The following KIAA1755 variants were observed in gnomAD, a reference collection of about 807,000 sequenced individuals.
KIAA1755 encodes uncharacterized protein KIAA1755.
In KIAA1755, 68 loss-of-function variants were observed where a neutral mutation model predicts 91.7. The observed-to-expected ratio is 0.74, with a 90% confidence interval of 0.61 to 0.91. KIAA1755 has a LOEUF of 0.91. KIAA1755 is among the 40% of genes least tolerant of loss of function. The pLI is 0.00. For synonymous variants in KIAA1755, 610 were observed against 604.6 expected (o/e 1.01, Z -0.13); for missense variants, 1,535 against 1,494.4 (o/e 1.03, Z -0.45).
chr20:38,243,729 T>C (rs6024253), intron 2 of KIAA1755, among the ~76,000 whole-genome samples: 8,090 of 152,264 alleles, frequency 0.053, 321 homozygotes, highest in African/African-American at 0.11. Context: ...AGGTGGCTGC[T>C]TCTGGGTGAT....
rs747730283 is a variant in KIAA1755, at chr20:38,228,198, G to A, written c.1914C>T (p.Ala638=). 5.0e-6 allele frequency: 8 copies of A among 1,604,656 alleles called. No individual in the cohort carries two copies. Among genetic ancestry groups the A allele is most frequent in the Non-Finnish European group, 6.8e-6 (8 of 1,176,126 alleles). ...GACCGGGCTGTGGGGGCTGTCTCCT[G>A]GCGTCAATCAGGACCGCCAGCCCCT... is the stretch of plus-strand genomic sequence containing the variant. The part of the protein sequence containing the change: ...KAKGLAVLID[A]RRQPPQPGLV... Residue 638 remains alanine, a synonymous_variant, in exon 6 of 14, where the codon GCC becomes GCT. Transcript: ENST00000279024.
In KIAA1755 at chr20:38,219,631, T is replaced by G. The variant is rs1299590148; in HGVS notation, c.2555A>C (p.Gln852Pro). 2 of 1,614,016 alleles carry G rather than the reference T, an allele frequency of 1.2e-6. No homozygotes were observed. The highest frequency in any genetic ancestry group is 1.7e-6 in the Non-Finnish European group (2 of 1,180,008). ...RLGRLEAAIH[Q>P]VSDWMEQEGR... Reference sequence around the variant, plus strand: ...CCCCAAGCCAGACACCCCTTTCACCTGGTGAATGGCAGCTTCCAGGCGGCC... The same window carrying G: ...CCCCAAGCCAGACACCCCTTTCACCGGGTGAATGGCAGCTTCCAGGCGGCC... The change falls in exon 11 of 14, where the codon CAG becomes CCG. Residue 852 changes from glutamine to proline, a missense_variant and splice_region_variant. By Grantham distance (76) the Gln-to-Pro change is moderately conservative (BLOSUM62 -1). Coordinates refer to ENST00000279024, the MANE Select transcript of KIAA1755 (RefSeq NM_001029864.2).
At chr20:38,222,751 G>T in intron 9 of KIAA1755, 154 bp from the exon 10 acceptor site, 1 of 791,840 alleles carries the variant, frequency 1.3e-6, no homozygotes, top group Non-Finnish European at 2.1e-6. Context: ...ATCCCCTCTA[G>T]CCATGTCCCC....
At chr20:38,218,522 G>C (rs948532407) in intron 11 of KIAA1755, among the ~76,000 whole-genome samples, 156 bp from the exon 12 acceptor site, 6 of 152,158 alleles carry the variant, frequency 3.9e-5, no homozygotes, top group Admixed American at 2.6e-4. Context: ...CCCAATTCTG[G>C]GCGTGGGAAG....
At chr20:38,232,454 G>A (rs986271863) in intron 4 of KIAA1755, among the ~76,000 whole-genome samples, 27 of 151,678 alleles carry the variant, frequency 1.8e-4, no homozygotes, top group African/African-American at 2.7e-4. Flanking sequence ...GTGAAACCCC[G>A]TCTCTACTAA....
intron 5 of KIAA1755, 64 bp downstream of exon 5, chr20:38,231,138 C>A: frequency 6.5e-7 from 1 of 1,529,868 alleles, no homozygotes; most frequent in South Asian, 1.2e-5. Flanking sequence ...AGTGTCTGGT[C>A]CAGGGCTCTG....
intron 4 of KIAA1755, among the ~76,000 whole-genome samples, chr20:38,239,201 G>A (rs527946186): frequency 6.6e-6 from 1 of 152,212 alleles, no homozygotes; most frequent in Non-Finnish European, 1.5e-5. Flanking sequence ...TCTCCTCAGA[G>A]CCCTCCTCCA....
At position 38,260,272 on chromosome 20, in the gene KIAA1755, A is replaced by G. The variant is rs200876745; in HGVS notation, c.3+226T>C. On this transcript the variant is annotated intron_variant, in intron 1 of 13. Coordinates refer to ENST00000279024, the MANE Select transcript of KIAA1755 (RefSeq NM_001029864.2). ...AAGTTTACAAGTACAATCTTACTCC[A>G]TCCATACACACACATGGAGAAGCCA... The G allele has an allele frequency of 3.2e-6, 5 of 1,548,100 alleles. No homozygotes were observed. The African/African-American group carries it at 5.5e-5, about 17-fold the overall frequency.
intron 1 of KIAA1755, among the ~76,000 whole-genome samples, chr20:38,259,807 G>GCCA (rs1305611017): frequency 6.9e-5 from 9 of 130,104 alleles, no homozygotes; most frequent in South Asian, 5.2e-4. Context: ...ACGCATCCCT[G>GCCA]CCACCACCAC....
intron 2 of KIAA1755, among the ~76,000 whole-genome samples, chr20:38,244,098 G>C (rs2076113696): frequency 1.3e-5 from 2 of 152,140 alleles, no homozygotes; most frequent in African/African-American, 2.4e-5. Context: ...ATTACAATTA[G>C]ATTAAACTCA....
chr20:38,222,593 G>C lies in KIAA1755; in HGVS notation c.2273C>G (p.Ala758Gly), dbSNP rs775546825. The change falls in exon 10 of 14, where the codon GCT becomes GGT. Residue 758 changes from alanine (A) to glycine (G), a missense_variant. By Grantham distance (60) the Ala-to-Gly change is moderately conservative (BLOSUM62 0). Transcript: ENST00000279024. ...KADPPGGMQE[A>G]TRCLSKSKEL... The stretch of plus-strand genomic sequence containing the variant: ...CTTGGACTTGCTCAGGCACCTGGTA[G>C]CCTCCTGCCAGCGTAGGGAGGTGCC... 1.9e-6 allele frequency: 3 copies of C among 1,611,978 alleles called. No homozygotes were observed. The South Asian group carries it at 3.3e-5, about 18-fold the overall frequency.
intron 12 of KIAA1755, chr20:38,217,800 A>C: frequency 2.1e-6 from 1 of 479,498 alleles, no homozygotes; most frequent in Non-Finnish European, 3.7e-6. Context: ...GAGTCCCCAC[A>C]TTCTCCCTTA....
Position 38,212,526 on chromosome 20 carries a change from A to G in KIAA1755, c.*516T>C, listed in dbSNP as rs929193773. Reference sequence around the variant, plus strand: ...TTGCAGATTCGCCTCCTACTCCCCCAGCAGAGGTTCCTGGATCAGCACCAA... The same window carrying G: ...TTGCAGATTCGCCTCCTACTCCCCCGGCAGAGGTTCCTGGATCAGCACCAA... On this transcript the variant is annotated 3_prime_UTR_variant, in exon 14 of 14. Transcript: ENST00000279024. The G allele has an allele frequency of 6.5e-6, 1 of 153,632 alleles. No individual in the cohort carries two copies. The highest frequency in any genetic ancestry group is 2.4e-5 in the African/African-American group (1 of 41,500). 9.5% of individuals were successfully genotyped at this position (153,632 alleles called of 1,614,324 possible).
rs1421620642 is a variant in KIAA1755, at chr20:38,241,741, T to C, written c.390A>G (p.Thr130=). 2 of 1,614,222 alleles carry C rather than the reference T, an allele frequency of 1.2e-6. No homozygotes were observed. Among genetic ancestry groups the C allele is most frequent in the Admixed American group, 1.7e-5 (1 of 60,028 alleles). The change falls in exon 3 of 14, where the codon ACA becomes ACG. Residue 130 remains threonine (T), a synonymous_variant. Transcript: ENST00000279024. ...MIKCLSLDLC[T]VDKKPVPEPA... The stretch of plus-strand genomic sequence containing the variant: ...GCTCTGGAACAGGCTTCTTGTCCAC[T>C]GTGCAGAGGTCCAGGGAGAGGCATT...
At chr20:38,248,393 A>G (rs2076192764) in intron 1 of KIAA1755, among the ~76,000 whole-genome samples, 1 of 152,164 alleles carries the variant, frequency 6.6e-6, no homozygotes, top group Non-Finnish European at 1.5e-5. Context: ...CAGAAGAGAA[A>G]TAGCCCTGCC....
rs77018053 is a variant in KIAA1755 at position 38,251,902 on chromosome 20, A to C, written c.4-5776T>G. On this transcript the variant is annotated intron_variant, in intron 1 of 13. Coordinates refer to ENST00000279024, the MANE Select transcript of KIAA1755 (RefSeq NM_001029864.2). ...TTAAGTATCATTTTCGTCAAGTAAA[A>C]TAAACAAATTTAAAGGGCACAGGTT... is the stretch of plus-strand genomic sequence containing the variant. 3.6e-3 allele frequency among the ~76,000 whole-genome samples: 552 copies of C among 152,268 alleles called. 6 individuals are homozygous for C. Among genetic ancestry groups the C allele is most frequent in the African/African-American group, 0.012 (518 of 41,564 alleles).
intron 5 of KIAA1755, 43 bp downstream of exon 5, chr20:38,231,159 G>T (rs770617921): frequency 1.3e-6 from 2 of 1,584,034 alleles, no homozygotes; most frequent in South Asian, 2.3e-5. Flanking sequence ...GGCCCAGAGG[G>T]TTGAGGTGGG....
rs973247332 is a variant in KIAA1755, at chr20:38,211,574, T to A, written c.*1468A>T. ...GCTGCCCACAGAACCCCAATGGTAC[T>A]GGGCCACAGAGGCTGGGCATAGAGA... On this transcript the variant is annotated 3_prime_UTR_variant, in exon 14 of 14. Transcript: ENST00000279024. 1 of 152,210 alleles carries A rather than the reference T, an allele frequency of 6.6e-6. No individual in the cohort carries two copies. The highest frequency in any genetic ancestry group is 2.4e-5 in the African/African-American group (1 of 41,414). 9.4% of individuals were successfully genotyped at this position (152,210 alleles called of 1,614,324 possible).
intron 8 of KIAA1755, among the ~76,000 whole-genome samples, chr20:38,224,762 GTGTGGTTTAAGCCCA>G (rs1343510609): frequency 6.6e-6 from 1 of 152,174 alleles, no homozygotes; most frequent in Non-Finnish European, 1.5e-5. Context: ...ATCGGTTTCG[GTGTGGTTTAAGCCCA>G]CCGAAAGGCA....
Sources: allele counts gnomAD v4.1 joint callset (sites outside exome capture counted in the v4.1 genomes callset), GRCh38; gene constraint gnomAD v4.1.1; transcripts MANE v1.5; gene names NCBI Gene and HGNC (gene_info 2026-07-23, HGNC 2026-07-21).